STAG1: variants seen among roughly 807,000 people sequenced by gnomAD.
STAG1 encodes the protein STAG1 cohesin complex component, also known as cohesin subunit SA-1.
Under a neutral mutation model 170.9 loss-of-function variants are expected in STAG1, and 26 were observed. The ratio of observed to expected loss-of-function variants is 0.15; its 90% CI spans 0.11 to 0.21. STAG1 has a LOEUF of 0.21. Ranked by LOEUF, STAG1 falls within the 10% of genes least tolerant of loss-of-function variation. The probability of loss-of-function intolerance (pLI) is 1.00; values close to 1 mark genes in which losing one functional copy is unlikely to be tolerated. For missense variants in STAG1, 964 were observed against 1,509.5 expected (o/e 0.64, Z 5.99); for synonymous variants, 514 against 497.7 (o/e 1.03, Z -0.44).
chr3:136,747,500 G>A (rs910644034), intron 1 of STAG1, among the ~76,000 whole-genome samples: 3 of 151,930 alleles, frequency 2.0e-5, no homozygotes, highest in African/African-American at 7.3e-5. Flanking sequence ...ACCAGCCTAG[G>A]CAACATGGCA....
rs1338594565 is a variant in STAG1 at position 136,717,657 on chromosome 3, T to A, written c.-84+34538A>T. On this transcript the variant is annotated intron_variant, in intron 1 of 33. Coordinates refer to ENST00000383202, the MANE Select transcript of STAG1 (RefSeq NM_005862.3). ...CCAGCCTGGGCAACAAGAGTGAAAC[T>A]CTGTCTCAATAAATTAATTAATACG... is the stretch of plus-strand genomic sequence containing the variant. Among the ~76,000 whole-genome samples, 4 of 152,226 alleles carry A rather than the reference T, an allele frequency of 2.6e-5. No homozygotes were observed. The East Asian group carries it at 5.8e-4, about 22-fold the overall frequency.
chr3:136,528,312 C>T (rs1248294976), intron 6 of STAG1, among the ~76,000 whole-genome samples: 2 of 152,102 alleles, frequency 1.3e-5, no homozygotes, highest in East Asian at 3.9e-4. Context: ...CTTACTGCAG[C>T]CTTGCAGTTT....
chr3:136,543,399 C>A (rs1173955684), intron 5 of STAG1, among the ~76,000 whole-genome samples: 1 of 152,108 alleles, frequency 6.6e-6, no homozygotes. Context: ...CACAAGTTTG[C>A]CAGAAATACT....
chr3:136,689,687 A>G (rs879276922), intron 1 of STAG1, among the ~76,000 whole-genome samples: 2 of 152,200 alleles, frequency 1.3e-5, no homozygotes, highest in Non-Finnish European at 2.9e-5. Flanking sequence ...TCTGACTGAC[A>G]AGCTTTAATA....
intron 1 of STAG1, among the ~76,000 whole-genome samples, chr3:136,724,099 G>T (rs1332553673): frequency 1.3e-5 from 2 of 152,024 alleles, no homozygotes; most frequent in Non-Finnish European, 2.9e-5. Flanking sequence ...CGTCTGGGAG[G>T]TGTACCCAAC....
chr3:136,437,495 T>C (rs1476102940), intron 15 of STAG1, among the ~76,000 whole-genome samples: 3 of 152,204 alleles, frequency 2.0e-5, no homozygotes, highest in African/African-American at 7.2e-5. Context: ...TAACACAACA[T>C]ATAACTATAC....
At chr3:136,508,083 T>C (rs1352151129) in intron 7 of STAG1, among the ~76,000 whole-genome samples, 1 of 151,928 alleles carries the variant, frequency 6.6e-6, no homozygotes, top group Non-Finnish European at 1.5e-5. Flanking sequence ...AGATTTGCTA[T>C]AAAGAAAAGG....
intron 23 of STAG1, among the ~76,000 whole-genome samples, chr3:136,377,243 T>C (rs1316757171): frequency 3.4e-5 from 5 of 148,264 alleles, no homozygotes; most frequent in African/African-American, 1.2e-4. Context: ...AAAAATTAGC[T>C]GGGCGCAGTG....
chr3:136,569,621 T>C (rs1937198910), intron 4 of STAG1, among the ~76,000 whole-genome samples: 1 of 152,012 alleles, frequency 6.6e-6, no homozygotes, highest in African/African-American at 2.4e-5. Flanking sequence ...CAATTCTCCT[T>C]TCCTACAGTT....
chr3:136,722,925 T>C (rs1046484586), intron 1 of STAG1, among the ~76,000 whole-genome samples: 1 of 152,152 alleles, frequency 6.6e-6, no homozygotes, highest in Non-Finnish European at 1.5e-5. Flanking sequence ...AGCTCCTAAC[T>C]GTGAGTGATC....
intron 4 of STAG1, among the ~76,000 whole-genome samples, chr3:136,582,206 T>C (rs1576631150): frequency 1.3e-5 from 1 of 78,704 alleles, no homozygotes; most frequent in African/African-American, 5.2e-5. Flanking sequence ...GTGTGGGGGT[T>C]GAAGAGGTGG....
intron 1 of STAG1, among the ~76,000 whole-genome samples, chr3:136,704,208 G>A (rs1455113315): frequency 2.0e-5 from 3 of 151,570 alleles, no homozygotes; most frequent in East Asian, 2.0e-4. Context: ...GCACCACGAC[G>A]CCTGGCTACT....
At chr3:136,506,674 G>GA (rs1933785208) in intron 7 of STAG1, among the ~76,000 whole-genome samples, 1 of 147,936 alleles carries the variant, frequency 6.8e-6, no homozygotes, top group African/African-American at 2.5e-5. Context: ...AAAAGAAAAA[G>GA]AAAAAGAATA....
At chr3:136,383,655 T>C (rs1649534877) in intron 22 of STAG1, among the ~76,000 whole-genome samples, 1 of 152,066 alleles carries the variant, frequency 6.6e-6, no homozygotes, top group Non-Finnish European at 1.5e-5. Context: ...CCCCACTTTA[T>C]GTATAAAGAA....
intron 1 of STAG1, among the ~76,000 whole-genome samples, chr3:136,638,737 T>G (rs965444581): frequency 6.6e-6 from 1 of 152,128 alleles, no homozygotes; most frequent in Admixed American, 6.5e-5. Context: ...AACTCGTCTC[T>G]GCTAAAAATA....
intron 1 of STAG1, among the ~76,000 whole-genome samples, chr3:136,714,941 ATATATATATATATATATATATATTT>A (rs1332658272): frequency 7.4e-4 from 19 of 25,756 alleles, no homozygotes; most frequent in Admixed American, 4.5e-3. Flanking sequence ...TATATTAAAT[ATATATATATATATATATATATATTT>A]TATATATATA....
At chr3:136,395,824 AAAGC>A in intron 22 of STAG1, among the ~76,000 whole-genome samples, 1 of 152,356 alleles carries the variant, frequency 6.6e-6, no homozygotes, top group Non-Finnish European at 1.5e-5. Context: ...GGTGAGAATA[AAAGC>A]AATTGTGTAA....
intron 10 of STAG1, among the ~76,000 whole-genome samples, chr3:136,476,376 G>T (rs1025065277): frequency 6.6e-6 from 1 of 152,196 alleles, no homozygotes; most frequent in Non-Finnish European, 1.5e-5. Context: ...CATAGTCAAG[G>T]GGGGTGGGAA....
intron 28 of STAG1, among the ~76,000 whole-genome samples, chr3:136,351,150 A>C (rs1936419227): frequency 6.6e-6 from 1 of 151,916 alleles, no homozygotes; most frequent in African/African-American, 2.4e-5. Flanking sequence ...GATTCATTTG[A>C]ACGTAGCCTA....
Sources: allele counts gnomAD v4.1 joint callset (sites outside exome capture counted in the v4.1 genomes callset), GRCh38; gene constraint gnomAD v4.1.1; transcripts MANE v1.5; gene names NCBI Gene and HGNC (gene_info 2026-07-23, HGNC 2026-07-21).